Variants in PALM2AKAP2 observed in about 807,000 individuals in gnomAD.
The protein encoded by PALM2AKAP2 is PALM2 and AKAP2 fusion, also known as PALM2-AKAP2 fusion protein.
In PALM2AKAP2, 37 loss-of-function variants were observed where a neutral mutation model predicts 71.5. The observed-to-expected ratio is 0.52, with a 90% CI of 0.40 to 0.68. PALM2AKAP2 has a LOEUF of 0.68. Ranked by LOEUF, PALM2AKAP2 falls within the 30% of genes least tolerant of loss-of-function variation. PALM2AKAP2 has a pLI of 0.00. For missense variants in PALM2AKAP2, 1,224 were observed against 1,191.8 expected (o/e 1.03, Z -0.40); for synonymous variants, 468 against 478.8 (o/e 0.98, Z 0.29).
rs1212424362 is a variant in PALM2AKAP2 at position 109,716,032 on chromosome 9, A to G, written c.6-64456A>G. The stretch of plus-strand genomic sequence containing the variant: ...GGGAAATCATAGAAGAAATGCCTGA[A>G]TGTTTTCCTATGTGAGTGATTCTTA... On this transcript the variant is annotated intron_variant, in intron 1 of 6. Transcript: ENST00000374531. Among the ~76,000 whole-genome samples the G allele has an allele frequency of 1.4e-4, 21 of 152,232 alleles. 1 individual carries two copies. Among genetic ancestry groups the G allele is most frequent in the Admixed American group, 1.4e-3 (21 of 15,284 alleles).
intron 1 of PALM2AKAP2, among the ~76,000 whole-genome samples, chr9:110,096,963 A>ATTT (rs934005719): frequency 3.0e-5 from 4 of 132,456 alleles, no homozygotes; most frequent in Non-Finnish European, 6.5e-5. Context: ...TTTATTTATT[A>ATTT]TTTTTTTTAT....
chr9:109,908,498 C>T (rs1212714460), intron 3 of PALM2AKAP2, among the ~76,000 whole-genome samples: 1 of 152,176 alleles, frequency 6.6e-6, no homozygotes, highest in Non-Finnish European at 1.5e-5. Flanking sequence ...CTTCATCTGT[C>T]AAGTGCGAAT....
intron 1 of PALM2AKAP2, among the ~76,000 whole-genome samples, chr9:109,748,769 A>C (rs62578094): frequency 1.3e-5 from 2 of 151,904 alleles, no homozygotes; most frequent in Non-Finnish European, 2.9e-5. Context: ...TTTTGCTCAC[A>C]ATTCTGGAGT....
intron 1 of PALM2AKAP2, among the ~76,000 whole-genome samples, chr9:109,793,885 T>A (rs1346707902): frequency 6.6e-6 from 1 of 152,378 alleles, no homozygotes; most frequent in Admixed American, 6.5e-5. Flanking sequence ...GTATGTGTTG[T>A]CTATGGCTAA....
chr9:109,790,922 G>C (rs1827096426), intron 1 of PALM2AKAP2, among the ~76,000 whole-genome samples: 1 of 152,188 alleles, frequency 6.6e-6, no homozygotes. Flanking sequence ...CCTGTAACCT[G>C]CATGGCCTAT....
At chr9:109,772,637 T>C (rs1182858549) in intron 1 of PALM2AKAP2, among the ~76,000 whole-genome samples, 1 of 152,242 alleles carries the variant, frequency 6.6e-6, no homozygotes, top group African/African-American at 2.4e-5. Context: ...TCAAACCCCA[T>C]GAAGGGGAAA....
At chr9:109,834,850 T>C (rs1198069133) in intron 1 of PALM2AKAP2, among the ~76,000 whole-genome samples, 2 of 152,204 alleles carry the variant, frequency 1.3e-5, no homozygotes, top group Admixed American at 1.3e-4. Flanking sequence ...GTCTAGAGCC[T>C]GGACTTGACC....
At chr9:109,648,057 G>A (rs1438154024) in intron 1 of PALM2AKAP2, among the ~76,000 whole-genome samples, 1 of 152,176 alleles carries the variant, frequency 6.6e-6, no homozygotes, top group Non-Finnish European at 1.5e-5. Context: ...CCCCCATGCT[G>A]TTCTCATGAT....
At chr9:109,737,945 C>A (rs568940521) in intron 1 of PALM2AKAP2, among the ~76,000 whole-genome samples, 30 of 152,198 alleles carry the variant, frequency 2.0e-4, no homozygotes, top group Admixed American at 1.1e-3. Context: ...GGACACCAAC[C>A]TGACTAGCAT....
intron 1 of PALM2AKAP2, among the ~76,000 whole-genome samples, chr9:109,730,905 GA>G (rs528638434): frequency 1.2e-3 from 170 of 144,718 alleles, no homozygotes; most frequent in South Asian, 2.0e-3. Context: ...TTTGCCAGTG[GA>G]AAAAAAAAAA....
At chr9:109,980,075 C>G (rs759198887) in intron 6 of PALM2AKAP2, among the ~76,000 whole-genome samples, 82 of 152,126 alleles carry the variant, frequency 5.4e-4, no homozygotes, top group Non-Finnish European at 9.3e-4. Context: ...TGGGCCTGCT[C>G]TGAGCTCCCT....
chr9:109,657,936 G>GTT (rs1301041949), intron 1 of PALM2AKAP2, among the ~76,000 whole-genome samples: 1 of 123,516 alleles, frequency 8.1e-6, no homozygotes, highest in African/African-American at 3.3e-5. Flanking sequence ...ATTTGTGTGT[G>GTT]TTTGTGTGTG....
At chr9:109,859,284 T>C (rs1479454649) in intron 1 of PALM2AKAP2, among the ~76,000 whole-genome samples, 1 of 152,162 alleles carries the variant, frequency 6.6e-6, no homozygotes, top group Non-Finnish European at 1.5e-5. Flanking sequence ...GGAGTGTGTG[T>C]AGTGGAGGAT....
intron 6 of PALM2AKAP2, among the ~76,000 whole-genome samples, chr9:109,934,822 AT>A (rs1831184891): frequency 6.6e-6 from 1 of 152,228 alleles, no homozygotes; most frequent in Non-Finnish European, 1.5e-5. Flanking sequence ...AGCTATACAT[AT>A]ACTACTTCAC....
At chr9:109,798,534 A>T (rs1827328972) in intron 1 of PALM2AKAP2, among the ~76,000 whole-genome samples, 1 of 152,230 alleles carries the variant, frequency 6.6e-6, no homozygotes, top group Non-Finnish European at 1.5e-5. Flanking sequence ...TTTTATCAGG[A>T]AAGGCATAGA....
At chr9:110,125,421 C>A (rs1835578848) in intron 1 of PALM2AKAP2, 1 of 884,256 alleles carries the variant, frequency 1.1e-6, no homozygotes, top group African/African-American at 1.8e-5. Context: ...AGGTTAAAGT[C>A]CTTCTTTGTG....
chr9:109,903,751 T>C (rs894694873), intron 3 of PALM2AKAP2, among the ~76,000 whole-genome samples: 15 of 152,012 alleles, frequency 9.9e-5, no homozygotes, highest in Admixed American at 9.2e-4. Flanking sequence ...CATGTGCACA[T>C]AAGCCGCTCC....
At chr9:109,788,928 C>A (rs1827036105) in intron 1 of PALM2AKAP2, among the ~76,000 whole-genome samples, 1 of 152,194 alleles carries the variant, frequency 6.6e-6, no homozygotes, top group Non-Finnish European at 1.5e-5. Context: ...AAGAGTGACA[C>A]CCTGTGTAAC....
At chr9:109,851,175 T>TCAACAA (rs1363599182) in intron 1 of PALM2AKAP2, among the ~76,000 whole-genome samples, 27 of 130,232 alleles carry the variant, frequency 2.1e-4, no homozygotes, top group Non-Finnish European at 2.8e-4. Flanking sequence ...AGACTCCGTC[T>TCAACAA]CAACAACAAC....
Sources: allele counts gnomAD v4.1 joint callset (sites outside exome capture counted in the v4.1 genomes callset), GRCh38; gene constraint gnomAD v4.1.1; transcripts MANE v1.5; gene names NCBI Gene and HGNC (gene_info 2026-07-23, HGNC 2026-07-21).